Variants in DKKL1 observed in about 807,000 individuals in gnomAD.
DKKL1 encodes the protein dickkopf-like protein 1.
Under a neutral mutation model 16.5 loss-of-function variants are expected in DKKL1, and 11 were observed. The observed-to-expected ratio is 0.67, with a 90% confidence interval of 0.42 to 1.10. DKKL1 has a LOEUF of 1.10. Among genes scored for constraint, DKKL1 ranks in the 50% least tolerant of loss-of-function variants. DKKL1 has a pLI of 0.00. For missense variants in DKKL1, 320 were observed against 308.1 expected, an observed-to-expected ratio of 1.04 and a Z score of -0.29; for synonymous variants, 119 against 133.2, an observed-to-expected ratio of 0.89 and a Z score of 0.73.
intron 3 of DKKL1, 45 bp downstream of exon 3, chr19:49,365,694 TCCATCCCG>T (rs1422891793): frequency 1.3e-6 from 2 of 1,596,382 alleles, no homozygotes; most frequent in Non-Finnish European, 1.7e-6. Context: ...TTGGGATCCC[TCCATCCCG>T]CCATCCCTCG....
At chr19:49,367,059 C>T (rs1973280191) in intron 4 of DKKL1, among the ~76,000 whole-genome samples, 1 of 151,264 alleles carries the variant, frequency 6.6e-6, no homozygotes, top group Non-Finnish European at 1.5e-5. Flanking sequence ...TGGAGTTTCG[C>T]TCTGTTGCCC....
chr19:49,367,406 CTT>C (rs10648468), intron 4 of DKKL1, among the ~76,000 whole-genome samples: 82 of 131,698 alleles, frequency 6.2e-4, no homozygotes, highest in Non-Finnish European at 5.2e-4. Flanking sequence ...CTTTGGTAAA[CTT>C]TTTTTTTTTT....
At chr19:49,365,744 C>T (rs1368566366) in intron 3 of DKKL1, 49 bp from the exon 4 acceptor site, 10 of 1,603,606 alleles carry the variant, frequency 6.2e-6, no homozygotes, top group African/African-American at 1.3e-5. Flanking sequence ...GGAAGGAGGG[C>T]GGAGGAGGAA....
chr19:49,362,919 G>GTTGTTGTTTTTTTTT (rs1568588572), upstream of DKKL1, among the ~76,000 whole-genome samples: 6 of 130,258 alleles, frequency 4.6e-5, 1 homozygote, highest in Non-Finnish European at 4.7e-5. Flanking sequence ...TGGTTTTTTT[G>GTTGTTGTTTTTTTTT]TTTTTTGTTT....
In DKKL1 at chr19:49,365,931, CTTTTT is replaced by C. The variant is rs763620903; in HGVS notation, c.417+49_417+53del. The C allele has an allele frequency of 2.6e-6, 4 of 1,556,296 alleles. No individual in the cohort carries two copies. In the Admixed American group the frequency reaches 5.7e-5, roughly 22 times the overall value. ...CAAAGTGTCCAGGCCCAAACATTTT[CTTTTT>C]TTCTTTTTTAAAGAAGAGTCTCACT... On this transcript the variant is annotated intron_variant, in intron 4 of 4. Transcript: ENST00000221498.
Position 49,365,823 on chromosome 19 carries a change from A to G in DKKL1, c.355A>G (p.Ile119Val). The change falls in exon 4 of 5, where the codon ATC (isoleucine) becomes GTC (valine). Residue 119 changes from isoleucine (I) to valine (V), a missense_variant. Transcript: ENST00000221498. ...CGACAACAAGACAGGAGAGGTGCTG[A>G]TCTCCGAGAATGTGGTGGCATCCAT... The part of the protein sequence containing the change: ...MTDNKTGEVL[I>V]SENVVASIQP... 6.2e-7 allele frequency: 1 copy of G among 1,614,138 alleles called. No homozygotes were observed. The highest frequency in any genetic ancestry group is 8.5e-7 in the Non-Finnish European group (1 of 1,180,018).
rs755222296 is a variant in DKKL1 at position 49,374,890 on chromosome 19, G to A, written c.591G>A (p.Leu197=). The A allele has an allele frequency of 1.9e-6, 3 of 1,613,964 alleles. No homozygotes were observed. Among genetic ancestry groups the A allele is most frequent in the South Asian group, 2.2e-5 (2 of 91,086 alleles). ...GHWLSEKRHR[L]QAIRDGLRKG... is the part of the protein sequence containing the mutation. Reference sequence around the variant, plus strand: ...GGCTCAGCGAGAAGCGACACCGCCTGCAGGCCATCCGGGATGGACTCCGCA... The same window carrying A: ...GGCTCAGCGAGAAGCGACACCGCCTACAGGCCATCCGGGATGGACTCCGCA... Residue 197 remains leucine (L), a synonymous_variant, in exon 5 of 5, where the codon CTG becomes CTA. Transcript: ENST00000221498.
At chr19:49,365,949 G>A in intron 4 of DKKL1, 64 bp downstream of exon 4, 1 of 1,487,642 alleles carries the variant, frequency 6.7e-7, no homozygotes, top group East Asian at 2.3e-5. Flanking sequence ...CTTTTTTAAA[G>A]AAGAGTCTCA....
chr19:49,365,683 C>T, intron 3 of DKKL1, 34 bp downstream of exon 3: 1 of 1,599,876 alleles, frequency 6.3e-7, no homozygotes, highest in South Asian at 1.1e-5. Context: ...CTGAAGTCCC[C>T]TTGGGATCCC....
chr19:49,365,303 T>C (rs562155381), intron 2 of DKKL1, among the ~76,000 whole-genome samples: 1 of 151,510 alleles, frequency 6.6e-6, no homozygotes, highest in Admixed American at 6.6e-5. Context: ...GGAACAGGGA[T>C]AGTAAGGCAA....
At chr19:49,364,081 G>C in intron 1 of DKKL1, 73 bp downstream of exon 1, 1 of 1,586,894 alleles carries the variant, frequency 6.3e-7, no homozygotes, top group Non-Finnish European at 8.6e-7. Flanking sequence ...CGGGTGCTGT[G>C]GCTTACGCCT....
Position 49,374,951 on chromosome 19 carries a change from G to C in DKKL1, c.652G>C (p.Glu218Gln), listed in dbSNP as rs750228938. 2 of 1,613,672 alleles carry C rather than the reference G, an allele frequency of 1.2e-6. No individual in the cohort carries two copies. The highest frequency in any genetic ancestry group is 2.2e-5 in the South Asian group (2 of 91,058). The change falls in exon 5 of 5, where the codon GAG (glutamate) becomes CAG (glutamine). Residue 218 changes from glutamate to glutamine, a missense_variant. Coordinates refer to ENST00000221498, the MANE Select transcript of DKKL1 (RefSeq NM_014419.4). ...THKDVLEEGT[E>Q]SSSHSRLSPR... is the part of the protein sequence containing the mutation. ...CAAGGACGTCCTAGAAGAGGGGACC[G>C]AGAGCTCCTCCCACTCCAGGCTGTC...
chr19:49,363,108 A>AGAC (rs1973072405), upstream of DKKL1: 1 of 151,170 alleles, frequency 6.6e-6, no homozygotes, highest in Non-Finnish European at 1.5e-5. Context: ...AGTGGACTGG[A>AGAC]GACGGCTGGC....
intron 4 of DKKL1, among the ~76,000 whole-genome samples, chr19:49,368,091 T>C (rs888644975): frequency 2.6e-5 from 4 of 152,140 alleles, no homozygotes; most frequent in African/African-American, 9.7e-5. Flanking sequence ...GGCAGGCAGA[T>C]TGCCTGAGCT....
chr19:49,365,898 C>A lies in DKKL1; in HGVS notation c.417+13C>A. On this transcript the variant is annotated intron_variant, in intron 4 of 4. Transcript: ENST00000221498. ...GGGTGATTTGAAGGTTAGGACGTGCCCCGCCGTCAAAGTGTCCAGGCCCAA... is the reference window on the plus strand; with the variant it reads ...GGGTGATTTGAAGGTTAGGACGTGCACCGCCGTCAAAGTGTCCAGGCCCAA... 2 of 1,611,388 alleles carry A rather than the reference C, an allele frequency of 1.2e-6. No individual in the cohort carries two copies. Among genetic ancestry groups the A allele is most frequent in the Non-Finnish European group, 1.7e-6 (2 of 1,178,600 alleles).
chr19:49,374,702 G>T lies in DKKL1; in HGVS notation c.418-15G>T. ...GTTTGGAGTATGAGAGGGTCTCCTT[G>T]TTCTTCCTCCCCAGGTACCCAGGAT... On this transcript the variant is annotated splice_polypyrimidine_tract_variant and intron_variant, in intron 4 of 4. Transcript: ENST00000221498. The T allele has an allele frequency of 6.6e-7, 1 of 1,518,040 alleles. No homozygotes were observed. The highest frequency in any genetic ancestry group is 1.4e-5 in the African/African-American group (1 of 71,906). The allele number at this position is 1,518,040 out of a possible 1,614,324, so 94.0% of individuals were successfully genotyped here.
In DKKL1 at chr19:49,374,833, G is replaced by A; in HGVS notation, c.534G>A (p.Arg178=). The A allele has an allele frequency of 1.2e-6, 2 of 1,613,734 alleles. No individual in the cohort carries two copies. Among genetic ancestry groups the A allele is most frequent in the Non-Finnish European group, 1.7e-6 (2 of 1,179,854 alleles). Reference sequence around the variant, plus strand: ...GGATCATTAAGCTGCCACGGCGGAGGTCCCACCAGGATGCCCTGGAGGGCG... The same window carrying A: ...GGATCATTAAGCTGCCACGGCGGAGATCCCACCAGGATGCCCTGGAGGGCG... The part of the protein sequence containing the change: ...AFWIIKLPRR[R]SHQDALEGGH... Residue 178 remains arginine, a synonymous_variant, in exon 5 of 5, where the codon AGG becomes AGA. Coordinates refer to ENST00000221498, the MANE Select transcript of DKKL1 (RefSeq NM_014419.4).
chr19:49,370,711 G>C (rs574895563), intron 4 of DKKL1: 2 of 152,270 alleles, frequency 1.3e-5, no homozygotes, highest in African/African-American at 4.8e-5. Context: ...TCCAGTGAAA[G>C]AATTTGCCAA....
Position 49,365,632 on chromosome 19 carries a change from C to T in DKKL1, c.307C>T (p.His103Tyr), listed in dbSNP as rs759448619. ...HQLGNNTLSS[H>Y]LQIDKMTDNK... is the part of the protein sequence containing the mutation. ...GCTGGGGAACAACACCCTCTCCAGC[C>T]ACCTCCAGATCGACAAGGTGCCTAT... is the stretch of plus-strand genomic sequence containing the variant. The change falls in exon 3 of 5, where the codon CAC becomes TAC. Residue 103 changes from histidine to tyrosine, a missense_variant. Transcript: ENST00000221498. 6.2e-7 allele frequency: 1 copy of T among 1,612,814 alleles called. No individual in the cohort carries two copies. Among genetic ancestry groups the T allele is most frequent in the African/African-American group, 1.3e-5 (1 of 74,918 alleles).
Sources: allele counts gnomAD v4.1 joint callset (sites outside exome capture counted in the v4.1 genomes callset), GRCh38; gene constraint gnomAD v4.1.1; transcripts MANE v1.5; gene names NCBI Gene and HGNC (gene_info 2026-07-23, HGNC 2026-07-21).